Variants in GRB7 observed in about 807,000 individuals in gnomAD.
GRB7 encodes growth factor receptor bound protein 7.
A neutral mutation model predicts 64.1 loss-of-function variants in GRB7; 47 were observed. That is an observed-to-expected ratio of 0.73 (90% CI 0.58 to 0.94). GRB7 has a LOEUF of 0.94. GRB7 is among the 40% of genes least tolerant of loss of function. The pLI is 0.00. For missense variants in GRB7, 634 were observed against 718.4 expected (o/e 0.88, Z 1.34); for synonymous variants, 277 against 279.9 (o/e 0.99, Z 0.10).
At position 39,742,518 on chromosome 17, in the gene GRB7, C is replaced by T. The variant is rs866826576; in HGVS notation, c.156-48C>T. ...TGGATAATACACAGAGGCTTGCAGGCCACTGCTCCCTTCCCCACACCTCTC... is the reference window on the plus strand; with the variant it reads ...TGGATAATACACAGAGGCTTGCAGGTCACTGCTCCCTTCCCCACACCTCTC... On this transcript the variant is annotated intron_variant, in intron 2 of 14. Coordinates refer to ENST00000309156, the MANE Select transcript of GRB7 (RefSeq NM_005310.5). The T allele has an allele frequency of 1.2e-6, 2 of 1,612,760 alleles. No homozygotes were observed. Among genetic ancestry groups the T allele is most frequent in the Middle Eastern group, 1.6e-4 (1 of 6,062 alleles).
Position 39,742,698 on chromosome 17 carries a change from C to A in GRB7, c.288C>A (p.Arg96=). The A allele has an allele frequency of 1.3e-6, 2 of 1,564,940 alleles. No homozygotes were observed. Among genetic ancestry groups the A allele is most frequent in the Non-Finnish European group, 1.7e-6 (2 of 1,155,584 alleles). ...CCAGTGCAAGGGGGCTGCTCCCCCGCGATGCCAGCCGCCCCCATGTGAGTT... is the reference window on the plus strand; with the variant it reads ...CCAGTGCAAGGGGGCTGCTCCCCCGAGATGCCAGCCGCCCCCATGTGAGTT... ...GPSSARGLLP[R]DASRPHVVKV... is the part of the protein sequence containing the mutation. Residue 96 remains arginine, a synonymous_variant, in exon 3 of 15, where the codon CGC becomes CGA. Transcript: ENST00000309156.
At chr17:39,741,490 C>G (rs1382615864) in intron 1 of GRB7, among the ~76,000 whole-genome samples, 1 of 152,226 alleles carries the variant, frequency 6.6e-6, no homozygotes. Context: ...TTGGGCAGGC[C>G]AAACCTCGCC....
chr17:39,744,826 A>G, intron 8 of GRB7, 60 bp from the exon 9 acceptor site: 1 of 1,434,970 alleles, frequency 7.0e-7, no homozygotes. Flanking sequence ...TATGTGGAGC[A>G]GGGGCAGACA....
chr17:39,741,614 C>G (rs1331803764), intron 1 of GRB7, among the ~76,000 whole-genome samples: 1 of 152,154 alleles, frequency 6.6e-6, no homozygotes, highest in Non-Finnish European at 1.5e-5. Context: ...GGGCCTTTGC[C>G]CTGACCCTGA....
At position 39,745,236 on chromosome 17, in the gene GRB7, C is replaced by T; in HGVS notation, c.1012-7C>T. 1 of 1,592,096 alleles carries T rather than the reference C, an allele frequency of 6.3e-7. No individual in the cohort carries two copies. Among genetic ancestry groups the T allele is most frequent in the South Asian group, 1.1e-5 (1 of 87,518 alleles). On this transcript the variant is annotated splice_polypyrimidine_tract_variant and splice_region_variant and intron_variant, in intron 9 of 14. Coordinates refer to ENST00000309156, the MANE Select transcript of GRB7 (RefSeq NM_005310.5). Reference sequence around the variant, plus strand: ...ACCTCAAGCTCTCTTTCTCTCCCCACCCCCAGTACGGGGTGCAGCTGTACA... The same window carrying T: ...ACCTCAAGCTCTCTTTCTCTCCCCATCCCCAGTACGGGGTGCAGCTGTACA...
chr17:39,741,778 G>T (rs1312704999), intron 1 of GRB7, among the ~76,000 whole-genome samples: 1 of 152,148 alleles, frequency 6.6e-6, no homozygotes, highest in African/African-American at 2.4e-5. Flanking sequence ...CCAGCACTTT[G>T]GGAGGCCAAG....
chr17:39,738,808 C>T (rs2059972207), intron 1 of GRB7: 1 of 1,184,792 alleles, frequency 8.4e-7, no homozygotes. Context: ...GCCCCCTCCA[C>T]TTTGGAGGGC....
At position 39,738,636 on chromosome 17, in the gene GRB7, T is replaced by C. The variant is rs543885991; in HGVS notation, c.-51+503T>C. On this transcript the variant is annotated intron_variant, in intron 1 of 14. Coordinates refer to ENST00000309156, the MANE Select transcript of GRB7 (RefSeq NM_005310.5). Reference sequence around the variant, plus strand: ...GCAGCTGAGAATGGGAAGGAAGACCTGATTCTCTCCTCCGACTTGGCTTTC... The same window carrying C: ...GCAGCTGAGAATGGGAAGGAAGACCCGATTCTCTCCTCCGACTTGGCTTTC... The C allele has an allele frequency of 5.7e-3, 1,692 of 294,346 alleles. 6 individuals are homozygous for C. The highest frequency in any genetic ancestry group is 8.5e-3 in the Non-Finnish European group (1,305 of 152,638). 18.2% of individuals were successfully genotyped at this position (294,346 alleles called of 1,614,324 possible). A position where few individuals can be genotyped will look rare whatever the true frequency, so the allele number is the denominator to read the frequency against.
At position 39,746,812 on chromosome 17, in the gene GRB7, T is replaced by G; in HGVS notation, c.1514T>G (p.Leu505Arg). 6.2e-7 allele frequency: 1 copy of G among 1,613,994 alleles called. No individual in the cohort carries two copies. Among genetic ancestry groups the G allele is most frequent in the South Asian group, 1.1e-5 (1 of 91,090 alleles). The change falls in exon 15 of 15, where the codon CTG becomes CGG. Residue 505 changes from leucine (L) to arginine (R), a missense_variant. Physicochemically the swap from Leu to Arg is moderately radical, Grantham distance 102. Transcript: ENST00000309156. ...MDDGQTRFTD[L>R]LQLVEFHQLN... is the part of the protein sequence containing the mutation. The stretch of plus-strand genomic sequence containing the variant: ...GATGGCCAGACCCGCTTCACTGACC[T>G]GCTGCAGCTCGTGGAGTTCCACCAG...
intron 4 of GRB7, 35 bp from the exon 5 acceptor site, chr17:39,743,145 C>A: frequency 6.2e-7 from 1 of 1,609,408 alleles, no homozygotes; most frequent in East Asian, 2.2e-5. Flanking sequence ...TCTGGTTGAT[C>A]TCCAATAACC....
chr17:39,738,999 T>A (rs1300802364), intron 1 of GRB7: 3 of 1,272,618 alleles, frequency 2.4e-6, no homozygotes, highest in Non-Finnish European at 3.3e-6. Context: ...GGCTCTGCAG[T>A]GCGGTGGGGC....
chr17:39,741,209 G>A (rs1403814576), intron 1 of GRB7, among the ~76,000 whole-genome samples: 2 of 152,172 alleles, frequency 1.3e-5, no homozygotes, highest in African/African-American at 4.8e-5. Flanking sequence ...TGGATGATGC[G>A]GCCCCCGCAC....
rs748180138 is a variant in GRB7, at chr17:39,746,135, G to A, written c.1385G>A (p.Arg462Gln). ...CTGTTCCTGGTCCGGGAGAGTCAGC[G>A]GAACCCCCAGGGCTTTGTCCTCTCT... ...DGLFLVRESQ[R>Q]NPQGFVLSLC... The change falls in exon 14 of 15, where the codon CGG becomes CAG. Residue 462 changes from arginine to glutamine, a missense_variant. By Grantham distance (43) the Arg-to-Gln change is conservative. Coordinates refer to ENST00000309156, the MANE Select transcript of GRB7 (RefSeq NM_005310.5). The A allele has an allele frequency of 1.2e-5, 19 of 1,614,074 alleles. No individual in the cohort carries two copies. Among genetic ancestry groups the A allele is most frequent in the East Asian group, 6.7e-5 (3 of 44,880 alleles).
intron 6 of GRB7, chr17:39,743,746 G>A (rs910741786): frequency 7.9e-5 from 44 of 554,524 alleles, no homozygotes; most frequent in East Asian, 2.8e-4. Flanking sequence ...AGGCTGAGGC[G>A]GGAGGATTAC....
chr17:39,740,231 G>T, intron 1 of GRB7: 2 of 922,602 alleles, frequency 2.2e-6, no homozygotes, highest in South Asian at 1.0e-4. Context: ...TGAGGTGCTG[G>T]TGTCTCTTGC....
chr17:39,739,014 GGAGA>G, intron 1 of GRB7: 1 of 1,221,350 alleles, frequency 8.2e-7, no homozygotes, highest in Non-Finnish European at 1.1e-6. Context: ...TGGGGCCTGG[GGAGA>G]GTGGGGTGGG....
In GRB7 at chr17:39,747,151, T is replaced by A. The variant is rs2060055906; in HGVS notation, c.*254T>A. The A allele has an allele frequency of 1.5e-5, 8 of 532,906 alleles. 1 individual carries two copies. In the Admixed American group the frequency reaches 2.8e-4, roughly 18 times the overall value. The allele number at this position is 532,906 out of a possible 1,614,324, so 33.0% of individuals were successfully genotyped here. On this transcript the variant is annotated 3_prime_UTR_variant, in exon 15 of 15. Transcript: ENST00000309156. ...CTCCTTCTCCTAGCTCTGGAGGTGC[T>A]GCTCTAGGGCAGGGAATTATGGGAG... is the stretch of plus-strand genomic sequence containing the variant.
rs773643597 is a variant in GRB7 at position 39,746,881 on chromosome 17, C to T, written c.1583C>T (p.Thr528Met). The T allele has an allele frequency of 1.6e-5, 25 of 1,609,736 alleles. 1 individual carries two copies. Among genetic ancestry groups the T allele is most frequent in the South Asian group, 4.4e-5 (4 of 91,052 alleles). ...CCGTGCTTGCTGCGCCATTGCTGCA[C>T]GCGGGTGGCCCTCTGACCAGGCCGT... ...ILPCLLRHCC[T>M]RVAL Residue 528 changes from threonine to methionine, a missense_variant, in exon 15 of 15, where the codon ACG becomes ATG. Physicochemically the swap from Thr to Met is moderately conservative, Grantham distance 81 (BLOSUM62 -1). Coordinates refer to ENST00000309156, the MANE Select transcript of GRB7 (RefSeq NM_005310.5).
intron 6 of GRB7, 74 bp downstream of exon 6, chr17:39,743,544 C>A: frequency 8.6e-7 from 1 of 1,164,616 alleles, no homozygotes; most frequent in Non-Finnish European, 1.3e-6. Context: ...CCCTTAAGTC[C>A]TGTGCCTCCC....
Sources: gnomAD v4.1 joint callset for allele counts (sites outside exome capture counted in the v4.1 genomes callset) on GRCh38, gnomAD v4.1.1 for gene constraint, MANE v1.5 for transcripts, NCBI Gene and HGNC (gene_info 2026-07-23, HGNC 2026-07-21) for gene names.